Variants in EPB41L2 observed in about 807,000 individuals in gnomAD.
EPB41L2 encodes band 4.1-like protein 2.
EPB41L2 carries 43 observed loss-of-function variants against 113.0 expected under a neutral mutation model. That is an observed-to-expected ratio of 0.38 (90% CI 0.30 to 0.49). The LOEUF is 0.49. Among genes scored for constraint, EPB41L2 ranks in the 20% least tolerant of loss-of-function variants. EPB41L2 has a pLI of 0.95. For synonymous variants in EPB41L2, 442 were observed against 436.7 expected (o/e 1.01, Z -0.15); for missense variants, 1,147 against 1,223.4 (o/e 0.94, Z 0.93).
chr6:130,844,036 T>C (rs1332509101), intron 19 of EPB41L2, among the ~76,000 whole-genome samples: 1 of 152,198 alleles, frequency 6.6e-6, no homozygotes, highest in Non-Finnish European at 1.5e-5. Flanking sequence ...CTCCAGAAAT[T>C]GACTCAGTAA....
At chr6:130,940,002 G>A (rs913848616) in intron 3 of EPB41L2, among the ~76,000 whole-genome samples, 8 of 151,352 alleles carry the variant, frequency 5.3e-5, no homozygotes, top group Non-Finnish European at 1.0e-4. Context: ...ATATGCACAC[G>A]TGATTCTTCC....
intron 3 of EPB41L2, among the ~76,000 whole-genome samples, chr6:130,942,815 T>C (rs991582608): frequency 4.6e-5 from 7 of 152,218 alleles, no homozygotes; most frequent in Non-Finnish European, 7.3e-5. Flanking sequence ...TGTGTTCTCA[T>C]TGTTCAACTC....
At chr6:130,965,249 C>T (rs1009735854) in intron 1 of EPB41L2, among the ~76,000 whole-genome samples, 1 of 152,144 alleles carries the variant, frequency 6.6e-6, no homozygotes, top group African/African-American at 2.4e-5. Flanking sequence ...ATAAGATTAG[C>T]ATTCATAGTC....
intron 1 of EPB41L2, among the ~76,000 whole-genome samples, chr6:131,053,242 A>T (rs868615066): frequency 1.6e-5 from 1 of 63,776 alleles, no homozygotes; most frequent in African/African-American, 5.6e-5. Context: ...CTGAAACTTT[A>T]AAAAAAAAAT....
At chr6:130,983,194 A>G (rs1182734265) in intron 1 of EPB41L2, among the ~76,000 whole-genome samples, 1 of 152,254 alleles carries the variant, frequency 6.6e-6, no homozygotes, top group Non-Finnish European at 1.5e-5. Flanking sequence ...ACCGCAAATG[A>G]AAGTTGCAGA....
At chr6:131,026,211 G>A (rs981515381) in intron 1 of EPB41L2, among the ~76,000 whole-genome samples, 1 of 152,118 alleles carries the variant, frequency 6.6e-6, no homozygotes, top group South Asian at 2.1e-4. Context: ...CCTAGCCCAG[G>A]AACAAACAGA....
intron 19 of EPB41L2, among the ~76,000 whole-genome samples, chr6:130,850,823 A>G (rs1778578761): frequency 6.6e-6 from 1 of 152,236 alleles, no homozygotes; most frequent in African/African-American, 2.4e-5. Context: ...TACGCATTAG[A>G]GCAGTGGTAC....
At chr6:130,860,074 T>C (rs1781547287) in intron 18 of EPB41L2, among the ~76,000 whole-genome samples, 1 of 152,208 alleles carries the variant, frequency 6.6e-6, no homozygotes, top group Admixed American at 6.5e-5. Context: ...AGGGGTGCAG[T>C]TCTACATTGT....
At chr6:131,032,597 G>A (rs1407156108) in intron 1 of EPB41L2, among the ~76,000 whole-genome samples, 3 of 152,074 alleles carry the variant, frequency 2.0e-5, no homozygotes, top group Non-Finnish European at 4.4e-5. Context: ...CCAAGGACTC[G>A]AGCCTGGAAC....
chr6:130,882,186 T>C (rs188143003), intron 12 of EPB41L2: 2 of 152,330 alleles, frequency 1.3e-5, no homozygotes, highest in Admixed American at 1.3e-4. Flanking sequence ...CCTGTATGGA[T>C]TGTTACGGGC....
At chr6:130,859,995 T>C (rs568746800) in intron 18 of EPB41L2, among the ~76,000 whole-genome samples, 1 of 152,252 alleles carries the variant, frequency 6.6e-6, no homozygotes, top group African/African-American at 2.4e-5. Flanking sequence ...GGTATCTGGT[T>C]CCAGGGAAGG....
chr6:131,011,711 G>T (rs1007741357), intron 1 of EPB41L2, among the ~76,000 whole-genome samples: 9 of 152,140 alleles, frequency 5.9e-5, no homozygotes, highest in Non-Finnish European at 1.5e-5. Context: ...CCAAGCCAAG[G>T]TAGTTCAGGT....
chr6:130,856,622 C>T (rs1321895104), intron 19 of EPB41L2, among the ~76,000 whole-genome samples: 3 of 152,228 alleles, frequency 2.0e-5, no homozygotes, highest in Non-Finnish European at 4.4e-5. Flanking sequence ...CAGCAGGTGG[C>T]TGTGCCACGC....
chr6:130,961,287 T>A (rs368309317), intron 1 of EPB41L2, among the ~76,000 whole-genome samples: 37 of 152,360 alleles, frequency 2.4e-4, no homozygotes, highest in African/African-American at 8.9e-4. Context: ...AATTACCATG[T>A]TGGCATGCTC....
At chr6:131,033,629 G>C (rs892461251) in intron 1 of EPB41L2, among the ~76,000 whole-genome samples, 1 of 152,208 alleles carries the variant, frequency 6.6e-6, no homozygotes, top group Non-Finnish European at 1.5e-5. Flanking sequence ...TCTGACACAT[G>C]CTACAACATG....
chr6:130,881,151 C>G (rs1789178958), intron 12 of EPB41L2: 2 of 151,938 alleles, frequency 1.3e-5, no homozygotes, highest in African/African-American at 4.8e-5. Context: ...AATTTTGACT[C>G]AAGGGAAAAA....
intron 14 of EPB41L2, among the ~76,000 whole-genome samples, chr6:130,875,082 T>A (rs1487346165): frequency 1.3e-5 from 2 of 152,228 alleles, no homozygotes; most frequent in Non-Finnish European, 2.9e-5. Flanking sequence ...ATTATCTTTC[T>A]CATTTGCAAT....
At chr6:130,860,123 T>A (rs1325001943) in intron 18 of EPB41L2, among the ~76,000 whole-genome samples, 2 of 152,192 alleles carry the variant, frequency 1.3e-5, no homozygotes, top group African/African-American at 2.4e-5. Context: ...ATTGGAATGA[T>A]CCAAGCCATT....
intron 11 of EPB41L2, 117 bp downstream of exon 11, chr6:130,890,177 A>G: frequency 9.6e-7 from 1 of 1,044,702 alleles, no homozygotes; most frequent in East Asian, 2.7e-5. Flanking sequence ...TACTCGGGAA[A>G]AAATGGCTAT....
Sources: allele counts gnomAD v4.1 joint callset (sites outside exome capture counted in the v4.1 genomes callset), GRCh38; gene constraint gnomAD v4.1.1; transcripts MANE v1.5; gene names NCBI Gene and HGNC (gene_info 2026-07-23, HGNC 2026-07-21).